Variants in SHISA9 observed in about 807,000 individuals in gnomAD.
SHISA9 encodes protein shisa-9.
Under a neutral mutation model 38.0 loss-of-function variants are expected in SHISA9, and 13 were observed. That is an observed-to-expected ratio of 0.34 (90% CI 0.22 to 0.54). The LOEUF is 0.54. Ranked by LOEUF, SHISA9 falls within the 20% of genes least tolerant of loss-of-function variation. The pLI is 0.91. For synonymous variants in SHISA9, 275 were observed against 242.0 expected (o/e 1.14, Z -1.27); for missense variants, 538 against 575.8 (o/e 0.93, Z 0.67).
the SHISA9 span, among the ~76,000 whole-genome samples, chr16:13,517,427 A>C: frequency 6.6e-6 from 1 of 152,230 alleles, no homozygotes. Flanking sequence ...AAATGTGCAC[A>C]TTATAACCAG....
intron 2 of SHISA9, among the ~76,000 whole-genome samples, chr16:13,018,952 A>G (rs1016146232): frequency 1.4e-4 from 21 of 152,338 alleles, no homozygotes; most frequent in East Asian, 3.9e-4. Flanking sequence ...TCAAGCTACC[A>G]TAGCAAAGTA....
intron 2 of SHISA9, among the ~76,000 whole-genome samples, chr16:13,134,480 A>C (rs912361557): frequency 6.6e-6 from 1 of 152,004 alleles, no homozygotes; most frequent in African/African-American, 2.4e-5. Context: ...GCCTATGGAG[A>C]AGGGGTGAGG....
intron 4 of SHISA9, among the ~76,000 whole-genome samples, chr16:13,226,001 A>G (rs204027): frequency 0.79 from 119,241 of 151,790 alleles, 47,110 homozygotes; most frequent in Middle Eastern, 0.85. Context: ...TCAGTTTGTC[A>G]GCCATCTGCC....
chr16:13,256,756 T>C, the SHISA9 span, among the ~76,000 whole-genome samples: 1 of 152,218 alleles, frequency 6.6e-6, no homozygotes, highest in Non-Finnish European at 1.5e-5. Flanking sequence ...GAATGAATAT[T>C]TCTTTTACTA....
At chr16:13,013,651 A>G (rs2072705761) in intron 2 of SHISA9, among the ~76,000 whole-genome samples, 1 of 152,150 alleles carries the variant, frequency 6.6e-6, no homozygotes, top group South Asian at 2.1e-4. Context: ...CATCACTGTC[A>G]CATCCCTTCA....
chr16:13,014,736 G>A (rs367584102), intron 2 of SHISA9, among the ~76,000 whole-genome samples: 38 of 152,358 alleles, frequency 2.5e-4, no homozygotes, highest in African/African-American at 8.4e-4. Flanking sequence ...TGCAGCTGAA[G>A]GCTGCTAACC....
At chr16:13,387,040 C>T in the SHISA9 span, among the ~76,000 whole-genome samples, 2 of 152,208 alleles carry the variant, frequency 1.3e-5, no homozygotes, top group African/African-American at 2.4e-5. Flanking sequence ...TGTGCCTTCC[C>T]CTCCAGCAAT....
At chr16:13,079,359 T>G (rs2141933371) in intron 2 of SHISA9, among the ~76,000 whole-genome samples, 1 of 152,346 alleles carries the variant, frequency 6.6e-6, no homozygotes, top group South Asian at 2.1e-4. Flanking sequence ...GCAGGTAAAG[T>G]TCTTAGTACA....
At chr16:12,972,715 C>T (rs1596557960) in intron 2 of SHISA9, among the ~76,000 whole-genome samples, 2 of 152,178 alleles carry the variant, frequency 1.3e-5, no homozygotes, top group East Asian at 3.8e-4. Flanking sequence ...TGAATAATTG[C>T]ATGTAGCTAT....
chr16:13,472,628 G>C, the SHISA9 span, among the ~76,000 whole-genome samples: 1 of 151,818 alleles, frequency 6.6e-6, no homozygotes, highest in Non-Finnish European at 1.5e-5. Context: ...TCCTGACCTC[G>C]TGATCCGCCC....
the SHISA9 span, among the ~76,000 whole-genome samples, chr16:13,260,324 C>G: frequency 6.6e-6 from 1 of 151,960 alleles, no homozygotes; most frequent in Non-Finnish European, 1.5e-5. Flanking sequence ...CCGGGTTTTT[C>G]TTTTCTATTG....
At chr16:13,362,945 G>T in the SHISA9 span, among the ~76,000 whole-genome samples, 1 of 152,098 alleles carries the variant, frequency 6.6e-6, no homozygotes, top group Admixed American at 6.5e-5. Flanking sequence ...GAATGCTGAT[G>T]CCAACTAATA....
rs2051382282 is a variant in SHISA9, at chr16:13,236,194, G to A, written c.*785G>A. 6.6e-6 allele frequency: 1 copy of A among 152,134 alleles called. No individual in the cohort carries two copies. Among genetic ancestry groups the A allele is most frequent in the Non-Finnish European group, 1.5e-5 (1 of 68,032 alleles). The allele number at this position is 152,134 out of a possible 1,614,324, so 9.4% of individuals were successfully genotyped here. ...ATAAGGACCATGACCGTGGAAATGG[G>A]AGGGATGGGCTTTTACGGAGAGGGT... On this transcript the variant is annotated 3_prime_UTR_variant, in exon 5 of 5. Transcript: ENST00000558583.
At position 13,240,348 on chromosome 16, in the gene SHISA9, T is replaced by C. The variant is rs1184710778; in HGVS notation, c.*4939T>C. The C allele has an allele frequency of 6.6e-6, 1 of 152,246 alleles. No individual in the cohort carries two copies. Among genetic ancestry groups the C allele is most frequent in the Non-Finnish European group, 1.5e-5 (1 of 68,042 alleles). 9.4% of individuals were successfully genotyped at this position (152,246 alleles called of 1,614,324 possible). A position where few individuals can be genotyped will look rare whatever the true frequency, so the allele number is the denominator to read the frequency against. On this transcript the variant is annotated 3_prime_UTR_variant, in exon 5 of 5. Transcript: ENST00000558583. The stretch of plus-strand genomic sequence containing the variant: ...TTTGTTTGTTTTCTAAGAATGTTTA[T>C]TTGTAAACATATGTATTCACTATAT...
At chr16:13,310,596 C>T in the SHISA9 span, among the ~76,000 whole-genome samples, 1 of 151,720 alleles carries the variant, frequency 6.6e-6, no homozygotes, top group African/African-American at 2.4e-5. Flanking sequence ...AATCCTCTAT[C>T]TTGAAGGACT....
chr16:12,921,036 A>G (rs916212983), intron 2 of SHISA9, among the ~76,000 whole-genome samples: 1 of 151,986 alleles, frequency 6.6e-6, no homozygotes, highest in Admixed American at 6.6e-5. Flanking sequence ...ACATAAAATT[A>G]CTCTCTTTGG....
chr16:12,975,477 C>T (rs1032888435), intron 2 of SHISA9, among the ~76,000 whole-genome samples: 12 of 151,660 alleles, frequency 7.9e-5, no homozygotes, highest in Admixed American at 2.0e-4. Context: ...CACTCCAGCC[C>T]GGGCAACAGA....
chr16:13,290,328 C>G, the SHISA9 span, among the ~76,000 whole-genome samples: 1 of 152,120 alleles, frequency 6.6e-6, no homozygotes, highest in Non-Finnish European at 1.5e-5. Context: ...CAGAGTCACA[C>G]TTTCCTGAAT....
intron 2 of SHISA9, among the ~76,000 whole-genome samples, chr16:13,008,653 C>T (rs1211263094): frequency 1.2e-5 from 1 of 80,434 alleles, no homozygotes; most frequent in African/African-American, 4.7e-5. Context: ...CTCCCTCCCT[C>T]CCTCCCTCCC....
Sources: allele counts gnomAD v4.1 joint callset (sites outside exome capture counted in the v4.1 genomes callset), GRCh38; gene constraint gnomAD v4.1.1; transcripts MANE v1.5; gene names NCBI Gene and HGNC (gene_info 2026-07-23, HGNC 2026-07-21).